Variants in SORCS3 observed in about 807,000 individuals in gnomAD.
The protein encoded by SORCS3 is sortilin related VPS10 domain containing receptor 3, also known as VPS10 domain-containing receptor SorCS3.
Under a neutral mutation model 146.3 loss-of-function variants are expected in SORCS3, and 57 were observed. The ratio of observed to expected loss-of-function variants is 0.39; its 90% CI spans 0.31 to 0.49. The LOEUF (loss-of-function observed/expected upper bound fraction) is 0.49, where lower values mean the gene tolerates loss of function less well. Ranked by LOEUF, SORCS3 falls within the 20% of genes least tolerant of loss-of-function variation. The pLI is 0.92. For synonymous variants in SORCS3, 653 were observed against 618.5 expected, an observed-to-expected ratio of 1.06 and a Z score of -0.83; for missense variants, 1,341 against 1,575.5, an observed-to-expected ratio of 0.85 and a Z score of 2.52.
intron 3 of SORCS3, among the ~76,000 whole-genome samples, chr10:104,929,343 A>G (rs7096331): frequency 0.28 from 43,072 of 152,088 alleles, 8,007 homozygotes; most frequent in African/African-American, 0.53. Flanking sequence ...ACACCTCCCA[A>G]TTCCTAGGCA....
intron 1 of SORCS3, among the ~76,000 whole-genome samples, chr10:104,713,072 G>A (rs754039705): frequency 7.9e-5 from 12 of 152,042 alleles, no homozygotes; most frequent in Non-Finnish European, 1.8e-4. Flanking sequence ...CCCCAAACAC[G>A]AAAATTTGCA....
chr10:104,902,093 A>C (rs982323022), intron 2 of SORCS3, among the ~76,000 whole-genome samples: 2 of 152,212 alleles, frequency 1.3e-5, no homozygotes, highest in African/African-American at 4.8e-5. Flanking sequence ...CAAACTGTGA[A>C]GCATTGTTTT....
At chr10:104,865,027 C>A (rs2018444882) in intron 2 of SORCS3, among the ~76,000 whole-genome samples, 1 of 152,232 alleles carries the variant, frequency 6.6e-6, no homozygotes, top group Admixed American at 6.5e-5. Flanking sequence ...GTCAGTCTCT[C>A]AGTCCCTTGT....
chr10:105,225,153 T>TC (rs1319048493), intron 20 of SORCS3, among the ~76,000 whole-genome samples: 2 of 152,094 alleles, frequency 1.3e-5, no homozygotes, highest in Non-Finnish European at 2.9e-5. Flanking sequence ...AAATGACTTC[T>TC]CCATACCCAA....
chr10:105,242,410 T>A (rs2056830990), intron 20 of SORCS3, among the ~76,000 whole-genome samples: 1 of 102,280 alleles, frequency 9.8e-6, no homozygotes, highest in Non-Finnish European at 1.8e-5. Flanking sequence ...ATACATATAT[T>A]TATATATATT....
intron 26 of SORCS3, among the ~76,000 whole-genome samples, 193 bp from the exon 27 acceptor site, chr10:105,263,117 G>A (rs1392340818): frequency 6.6e-6 from 1 of 152,222 alleles, no homozygotes; most frequent in Non-Finnish European, 1.5e-5. Flanking sequence ...GTGGGCTAGT[G>A]TGGGAGGTAG....
intron 1 of SORCS3, among the ~76,000 whole-genome samples, chr10:104,839,583 G>A (rs1484894589): frequency 6.6e-6 from 1 of 152,226 alleles, no homozygotes; most frequent in Non-Finnish European, 1.5e-5. Flanking sequence ...TGGAGTCTAA[G>A]TGTGCCAGTC....
At chr10:104,648,513 C>T (rs556715597) in intron 1 of SORCS3, among the ~76,000 whole-genome samples, 1 of 152,182 alleles carries the variant, frequency 6.6e-6, no homozygotes, top group East Asian at 1.9e-4. Context: ...AGATTCTTTC[C>T]TTCTGTTCTG....
intron 2 of SORCS3, among the ~76,000 whole-genome samples, chr10:104,914,961 A>G (rs2019009565): frequency 6.6e-6 from 1 of 151,480 alleles, no homozygotes; most frequent in South Asian, 2.1e-4. Context: ...AGGAGGTGAG[A>G]ACTGATGATA....
intron 1 of SORCS3, among the ~76,000 whole-genome samples, chr10:104,745,008 A>G (rs952184965): frequency 6.6e-6 from 1 of 152,262 alleles, no homozygotes; most frequent in Non-Finnish European, 1.5e-5. Flanking sequence ...AGAATACCAA[A>G]GGAATCAGGG....
intron 17 of SORCS3, among the ~76,000 whole-genome samples, 156 bp from the exon 18 acceptor site, chr10:105,214,282 ATGAC>A (rs2056651565): frequency 6.6e-6 from 1 of 152,146 alleles, no homozygotes. Flanking sequence ...AGCTTCGTAA[ATGAC>A]TGTCTTTTTG....
intron 2 of SORCS3, among the ~76,000 whole-genome samples, chr10:104,848,269 C>T (rs975118487): frequency 3.9e-5 from 6 of 152,034 alleles, no homozygotes; most frequent in Non-Finnish European, 8.8e-5. Context: ...AAGCTGTTGT[C>T]TGGACCACTT....
chr10:104,840,152 G>A (rs1462520311), intron 1 of SORCS3, among the ~76,000 whole-genome samples: 1 of 152,124 alleles, frequency 6.6e-6, no homozygotes, highest in African/African-American at 2.4e-5. Context: ...AGTCAATTAT[G>A]CTTCCTGCAG....
intron 17 of SORCS3, 99 bp from the exon 18 acceptor site, chr10:105,214,343 T>G: frequency 7.3e-7 from 1 of 1,361,072 alleles, no homozygotes; most frequent in Non-Finnish European, 1.0e-6. Flanking sequence ...GTTTTGCTCT[T>G]GCTCTCTTAC....
At chr10:105,014,415 T>C (rs886899918) in intron 4 of SORCS3, among the ~76,000 whole-genome samples, 3 of 152,110 alleles carry the variant, frequency 2.0e-5, no homozygotes, top group Non-Finnish European at 4.4e-5. Flanking sequence ...TGAATGTATA[T>C]AATGCTATTA....
intron 1 of SORCS3, among the ~76,000 whole-genome samples, chr10:104,829,402 G>A (rs2017976409): frequency 1.3e-5 from 2 of 152,140 alleles, no homozygotes; most frequent in South Asian, 4.2e-4. Context: ...GAAGGAAGGA[G>A]AGCATCAGGT....
At chr10:104,994,515 A>T (rs78363157) in intron 4 of SORCS3, among the ~76,000 whole-genome samples, 8,133 of 152,242 alleles carry the variant, frequency 0.053, 251 homozygotes, top group Middle Eastern at 0.082. Flanking sequence ...ATATGAATAC[A>T]CCCATGCAGT....
intron 9 of SORCS3, among the ~76,000 whole-genome samples, 154 bp from the exon 10 acceptor site, chr10:105,156,984 C>A (rs1297963998): frequency 1.3e-5 from 2 of 152,134 alleles, no homozygotes; most frequent in Non-Finnish European, 2.9e-5. Flanking sequence ...TTTTCAGAGA[C>A]CACATGGCAT....
At chr10:105,223,352 G>A in intron 20 of SORCS3, 103 bp downstream of exon 20, 1 of 1,227,556 alleles carries the variant, frequency 8.1e-7, no homozygotes, top group Non-Finnish European at 1.1e-6. Flanking sequence ...CAGGCAATAA[G>A]AGGTACTTAA....
Sources: allele counts gnomAD v4.1 joint callset (sites outside exome capture counted in the v4.1 genomes callset), GRCh38; gene constraint gnomAD v4.1.1; transcripts MANE v1.5; gene names NCBI Gene and HGNC (gene_info 2026-07-23, HGNC 2026-07-21).